MAP2: variants seen among roughly 807,000 people sequenced by gnomAD.
MAP2 encodes microtubule-associated protein 2.
In MAP2, 14 loss-of-function variants were observed where a neutral mutation model predicts 137.6. The observed-to-expected ratio is 0.10, with a 90% CI of 0.07 to 0.16. MAP2 has a LOEUF of 0.16. Ranked by LOEUF, MAP2 falls within the 10% of genes least tolerant of loss-of-function variation. The pLI is 1.00. For missense variants in MAP2, 2,088 were observed against 2,191.5 expected, an observed-to-expected ratio of 0.95 and a Z score of 0.94; for synonymous variants, 786 against 782.3, an observed-to-expected ratio of 1.00 and a Z score of -0.08.
chr2:209,527,779 C>T (rs13018885), intron 2 of MAP2, among the ~76,000 whole-genome samples: 7,192 of 152,256 alleles, frequency 0.047, 337 homozygotes, highest in African/African-American at 0.11. Flanking sequence ...AATCTTTGGG[C>T]TCCACCCCAG....
At chr2:209,593,918 A>ATATTTATG (rs1322895397) in intron 3 of MAP2, among the ~76,000 whole-genome samples, 3 of 129,400 alleles carry the variant, frequency 2.3e-5, no homozygotes, top group Non-Finnish European at 4.8e-5. Context: ...ATATATTTAT[A>ATATTTATG]TTATTAAAAT....
intron 1 of MAP2, among the ~76,000 whole-genome samples, chr2:209,439,416 G>A (rs1697197657): frequency 1.3e-5 from 2 of 151,448 alleles, no homozygotes; most frequent in Admixed American, 1.3e-4. Context: ...GACTCATAAA[G>A]GAAGTACTGA....
intron 7 of MAP2, among the ~76,000 whole-genome samples, chr2:209,683,831 T>A (rs1490422413): frequency 6.6e-6 from 1 of 152,232 alleles, no homozygotes; most frequent in Non-Finnish European, 1.5e-5. Context: ...TTAGATTAAT[T>A]CAGCGATTTT....
intron 4 of MAP2, among the ~76,000 whole-genome samples, chr2:209,636,886 T>C (rs1002684195): frequency 6.6e-6 from 1 of 152,096 alleles, no homozygotes; most frequent in East Asian, 1.9e-4. Context: ...TCCACAATAG[T>C]TTAAGTAATG....
At chr2:209,552,323 G>A (rs1024625960) in intron 2 of MAP2, among the ~76,000 whole-genome samples, 3 of 152,050 alleles carry the variant, frequency 2.0e-5, no homozygotes, top group East Asian at 1.9e-4. Flanking sequence ...TACATGTAAC[G>A]ACTTCCTGCA....
At chr2:209,526,845 A>G (rs2064139186) in intron 2 of MAP2, among the ~76,000 whole-genome samples, 1 of 151,950 alleles carries the variant, frequency 6.6e-6, no homozygotes, top group Non-Finnish European at 1.5e-5. Context: ...CTGAGATATA[A>G]GATGTACAAA....
chr2:209,724,043 G>T (rs941968100), intron 13 of MAP2, among the ~76,000 whole-genome samples: 5 of 152,134 alleles, frequency 3.3e-5, no homozygotes, highest in Non-Finnish European at 7.3e-5. Context: ...AAAGTCAGCT[G>T]GGCACATATT....
chr2:209,584,924 A>C (rs1317584263), intron 3 of MAP2, among the ~76,000 whole-genome samples: 1 of 152,210 alleles, frequency 6.6e-6, no homozygotes, highest in Non-Finnish European at 1.5e-5. Flanking sequence ...GAGCTACACG[A>C]GGAAAGAGTC....
intron 1 of MAP2, among the ~76,000 whole-genome samples, chr2:209,474,598 G>T (rs1332478983): frequency 6.6e-6 from 1 of 151,924 alleles, no homozygotes; most frequent in Non-Finnish European, 1.5e-5. Context: ...AAAGAGAGGG[G>T]AGAAGTATAT....
chr2:209,558,094 T>C (rs1205323869), intron 2 of MAP2, among the ~76,000 whole-genome samples: 4 of 152,238 alleles, frequency 2.6e-5, no homozygotes, highest in Non-Finnish European at 5.9e-5. Flanking sequence ...GACAATGTTA[T>C]CTTTCTCATC....
chr2:209,569,692 A>C lies in MAP2; in HGVS notation c.-171-10344A>C, dbSNP rs139148439. ...TGTCCACACCAAAATTTAACTATTAAAAATGTGTTAACTTTTTTAATGGAC... is the reference window on the plus strand; with the variant it reads ...TGTCCACACCAAAATTTAACTATTACAAATGTGTTAACTTTTTTAATGGAC... On this transcript the variant is annotated intron_variant, in intron 2 of 15. Coordinates refer to ENST00000682079, the MANE Select transcript of MAP2 (RefSeq NM_001375505.1). 6.3e-4 allele frequency among the ~76,000 whole-genome samples: 96 copies of C among 151,964 alleles called. No individual in the cohort carries two copies. In the East Asian group the frequency reaches 0.018, roughly 29 times the overall value.
Position 209,653,262 on chromosome 2 carries a change from T to G in MAP2, c.92T>G (p.Ile31Ser). ...EASAHSHPPE[I>S]KDQGGAGEGL... The stretch of plus-strand genomic sequence containing the variant: ...TCTGCACACTCACATCCACCTGAGA[T>G]TAAGGATCAAGGCGGAGCAGGGGAA... The change falls in exon 5 of 16, where the codon ATT becomes AGT. Residue 31 changes from isoleucine (I) to serine (S), a missense_variant. By Grantham distance (142) the Ile-to-Ser change is moderately radical. This residue lies in a region of MAP2 where 859 missense variants were observed against 794.5 expected (regional missense o/e 1.08). Transcript: ENST00000682079. 1 of 1,614,008 alleles carries G rather than the reference T, an allele frequency of 6.2e-7. No individual in the cohort carries two copies. Among genetic ancestry groups the G allele is most frequent in the Non-Finnish European group, 8.5e-7 (1 of 1,179,990 alleles).
intron 2 of MAP2, among the ~76,000 whole-genome samples, chr2:209,537,175 G>A (rs973986096): frequency 3.3e-5 from 5 of 152,080 alleles, no homozygotes; most frequent in Non-Finnish European, 5.9e-5. Context: ...TTGTGTCTCT[G>A]TGTCACATTT....
chr2:209,541,758 C>A (rs1320266532), intron 2 of MAP2, among the ~76,000 whole-genome samples: 2 of 152,202 alleles, frequency 1.3e-5, no homozygotes, highest in African/African-American at 4.8e-5. Flanking sequence ...GAGATCAGAG[C>A]AATCCAGTCA....
intron 4 of MAP2, among the ~76,000 whole-genome samples, chr2:209,645,595 A>AC (rs2094368970): frequency 6.6e-6 from 1 of 152,146 alleles, no homozygotes; most frequent in South Asian, 2.1e-4. Flanking sequence ...CCTATTTTGT[A>AC]CTTCATTCGC....
intron 3 of MAP2, among the ~76,000 whole-genome samples, chr2:209,604,111 T>C (rs753908641): frequency 2.0e-5 from 3 of 152,184 alleles, no homozygotes; most frequent in Non-Finnish European, 2.9e-5. Flanking sequence ...TGGATCTCTA[T>C]AGCAGTAAGA....
chr2:209,551,011 A>G (rs2069068378), intron 2 of MAP2, among the ~76,000 whole-genome samples: 1 of 152,132 alleles, frequency 6.6e-6, no homozygotes. Flanking sequence ...AGCAAGATCT[A>G]ATAAGAGGAA....
chr2:209,557,950 T>C (rs2071071529), intron 2 of MAP2, among the ~76,000 whole-genome samples: 1 of 152,234 alleles, frequency 6.6e-6, no homozygotes, highest in African/African-American at 2.4e-5. Flanking sequence ...TATCATGAGC[T>C]ATTTGGAACA....
intron 2 of MAP2, among the ~76,000 whole-genome samples, chr2:209,526,609 T>TG (rs35349090): frequency 0.49 from 71,535 of 146,982 alleles, 19,429 homozygotes; most frequent in African/African-American, 0.74. Flanking sequence ...GGATTCTCCC[T>TG]GGGGCAAATC....
Sources: gnomAD v4.1 joint callset for allele counts (sites outside exome capture counted in the v4.1 genomes callset) on GRCh38, gnomAD v4.1.1 for gene constraint, gnomAD v4.1.1 regional missense constraint, MANE v1.5 for transcripts, NCBI Gene and HGNC (gene_info 2026-07-23, HGNC 2026-07-21) for gene names.